Variants in OLFM3 observed in about 807,000 individuals in gnomAD.
The protein encoded by OLFM3 is olfactomedin 3.
In OLFM3, 20 loss-of-function variants were observed where a neutral mutation model predicts 48.6. The observed-to-expected ratio is 0.41, with a 90% confidence interval of 0.29 to 0.60. The LOEUF (loss-of-function observed/expected upper bound fraction) is 0.60, where lower values mean the gene tolerates loss of function less well. OLFM3 is among the 20% of genes least tolerant of loss of function. OLFM3 has a pLI of 0.28. For synonymous variants in OLFM3, 222 were observed against 198.1 expected (o/e 1.12, Z -1.01); for missense variants, 437 against 544.3 (o/e 0.80, Z 1.96).
intron 1 of OLFM3, among the ~76,000 whole-genome samples, chr1:101,979,729 C>T (rs1380865879): frequency 6.6e-6 from 1 of 152,226 alleles, no homozygotes; most frequent in Non-Finnish European, 1.5e-5. Flanking sequence ...CAGCCCGACA[C>T]AGAGTCTCTA....
At chr1:101,899,557 G>A (rs1228481576) in intron 1 of OLFM3, among the ~76,000 whole-genome samples, 3 of 152,188 alleles carry the variant, frequency 2.0e-5, no homozygotes, top group Non-Finnish European at 2.9e-5. Context: ...GGGAGATAGT[G>A]TAGAAATTGC....
intron 1 of OLFM3, among the ~76,000 whole-genome samples, chr1:101,859,358 G>A (rs577918370): frequency 6.6e-6 from 1 of 152,170 alleles, no homozygotes; most frequent in Admixed American, 6.5e-5. Flanking sequence ...AGAGTAGTTA[G>A]GCGGCCATTT....
At chr1:101,947,997 A>G (rs1660011618) in intron 1 of OLFM3, among the ~76,000 whole-genome samples, 1 of 152,192 alleles carries the variant, frequency 6.6e-6, no homozygotes, top group South Asian at 2.1e-4. Flanking sequence ...TGTTTGGGAA[A>G]TCTTAGAGGC....
At chr1:101,841,620 G>T (rs1557698367) in intron 1 of OLFM3, among the ~76,000 whole-genome samples, 1 of 152,154 alleles carries the variant, frequency 6.6e-6, no homozygotes, top group Non-Finnish European at 1.5e-5. Flanking sequence ...AGCAGTACAG[G>T]CTCTGCAATA....
intron 1 of OLFM3, among the ~76,000 whole-genome samples, chr1:101,922,789 A>G (rs753220274): frequency 1.3e-5 from 2 of 152,216 alleles, no homozygotes; most frequent in Non-Finnish European, 1.5e-5. Flanking sequence ...CAATGTGCCT[A>G]TGAATATGTA....
intron 1 of OLFM3, among the ~76,000 whole-genome samples, chr1:101,840,930 C>A (rs1048596480): frequency 6.6e-6 from 1 of 152,076 alleles, no homozygotes; most frequent in African/African-American, 2.4e-5. Flanking sequence ...TTGAACCTTT[C>A]GTGTTAATTG....
intron 1 of OLFM3, among the ~76,000 whole-genome samples, chr1:101,989,663 G>A (rs1661347322): frequency 9.3e-6 from 1 of 107,376 alleles, no homozygotes; most frequent in Non-Finnish European, 2.3e-5. Flanking sequence ...CTACTGAGGT[G>A]GATTTGCTAC....
In OLFM3 at chr1:101,825,049, A is replaced by T; in HGVS notation, c.569T>A (p.Leu190His). The T allele has an allele frequency of 3.1e-6, 5 of 1,614,066 alleles. No homozygotes were observed. The highest frequency in any genetic ancestry group is 4.2e-6 in the Non-Finnish European group (5 of 1,179,930). The change falls in exon 4 of 6, where the codon CTT (leucine) becomes CAT (histidine). Residue 190 changes from leucine to histidine, a missense_variant. Leu to His is a moderately conservative substitution (Grantham distance 99). Transcript: ENST00000370103. ...ACTTAGCTTTTTCATGCAGTCACGA[A>T]GTCTTGTTTCCAAGCTCAGCACTCT... is the stretch of plus-strand genomic sequence containing the variant. The part of the protein sequence containing the change: ...HQRVLSLETR[L>H]RDCMKKLTCG...
intron 1 of OLFM3, among the ~76,000 whole-genome samples, chr1:101,957,687 A>C (rs757007576): frequency 2.6e-5 from 4 of 152,062 alleles, no homozygotes; most frequent in Non-Finnish European, 5.9e-5. Context: ...GATGTTACAT[A>C]AGTGAGGTCT....
chr1:101,868,981 G>C (rs1042994030), intron 1 of OLFM3, among the ~76,000 whole-genome samples: 3 of 152,252 alleles, frequency 2.0e-5, no homozygotes, highest in African/African-American at 7.2e-5. Flanking sequence ...TTCAGAGGAT[G>C]TATGGAAACA....
At position 101,925,607 on chromosome 1, in the gene OLFM3, C is replaced by T. The variant is rs76446574; in HGVS notation, c.69+71141G>A. On this transcript the variant is annotated intron_variant, in intron 1 of 5. Coordinates refer to ENST00000370103, the MANE Select transcript of OLFM3 (RefSeq NM_058170.4). ...CATCACAGCTCACTGTAACTTTGAG[C>T]TCCTGGGCTCAAGAAATTCTCCTGC... is the stretch of plus-strand genomic sequence containing the variant. Among the ~76,000 whole-genome samples, 216 of 152,246 alleles carry T rather than the reference C, an allele frequency of 1.4e-3. 7 individuals carry two copies. In the East Asian group the frequency reaches 0.038, roughly 27 times the overall value.
chr1:101,970,149 G>A (rs1274219293), intron 1 of OLFM3, among the ~76,000 whole-genome samples: 1 of 151,876 alleles, frequency 6.6e-6, no homozygotes, highest in Non-Finnish European at 1.5e-5. Context: ...CCTAGTAACT[G>A]GGACTACAGG....
chr1:101,859,602 T>C (rs1417498460), intron 1 of OLFM3, among the ~76,000 whole-genome samples: 9 of 152,148 alleles, frequency 5.9e-5, no homozygotes, highest in Non-Finnish European at 5.9e-5. Context: ...TGATTGAGCA[T>C]TTCTAATCCA....
chr1:101,868,062 C>G (rs1022117279), intron 1 of OLFM3, among the ~76,000 whole-genome samples: 1 of 152,132 alleles, frequency 6.6e-6, no homozygotes, highest in Non-Finnish European at 1.5e-5. Flanking sequence ...CCTCCCCAGC[C>G]CTGCAGAACT....
rs568713270 is a variant in OLFM3 at position 101,959,778 on chromosome 1, T to C, written c.69+36970A>G. On this transcript the variant is annotated intron_variant, in intron 1 of 5. Coordinates refer to ENST00000370103, the MANE Select transcript of OLFM3 (RefSeq NM_058170.4). ...CTTCAAGTTCAGAATCTGTTAGTGA[T>C]TGGACATGACTTAACTGCAGGTTGC... Among the ~76,000 whole-genome samples the C allele has an allele frequency of 4.6e-5, 7 of 152,306 alleles. No homozygotes were observed. In the South Asian group the frequency reaches 1.0e-3, roughly 23 times the overall value.
chr1:101,860,601 A>T (rs1656612694), intron 1 of OLFM3, among the ~76,000 whole-genome samples: 1 of 151,990 alleles, frequency 6.6e-6, no homozygotes, highest in Admixed American at 6.5e-5. Context: ...CCTTCCAGCT[A>T]CTGTTTAGTA....
intron 1 of OLFM3, among the ~76,000 whole-genome samples, chr1:101,968,385 G>A (rs1429176246): frequency 6.6e-6 from 1 of 152,130 alleles, no homozygotes; most frequent in Non-Finnish European, 1.5e-5. Context: ...TCCAAAGTGA[G>A]CTTAGGTTTT....
At chr1:101,955,878 TC>T (rs138122304) in intron 1 of OLFM3, among the ~76,000 whole-genome samples, 2,921 of 151,930 alleles carry the variant, frequency 0.019, 99 homozygotes, top group African/African-American at 0.067. Flanking sequence ...TTTCATGCTT[TC>T]CCTTTACCAC....
At chr1:101,873,250 G>A (rs773088265) in intron 1 of OLFM3, among the ~76,000 whole-genome samples, 28 of 151,742 alleles carry the variant, frequency 1.8e-4, no homozygotes, top group Non-Finnish European at 4.1e-4. Context: ...TTCTGCATAT[G>A]TATATTCATT....
Sources: allele counts gnomAD v4.1 joint callset (sites outside exome capture counted in the v4.1 genomes callset), GRCh38; gene constraint gnomAD v4.1.1; transcripts MANE v1.5; gene names NCBI Gene and HGNC (gene_info 2026-07-23, HGNC 2026-07-21).